CNTNAP5: variants seen among roughly 807,000 people sequenced by gnomAD.
CNTNAP5 encodes the protein contactin associated protein family member 5.
CNTNAP5 carries 72 observed loss-of-function variants against 150.2 expected under a neutral mutation model. The observed-to-expected ratio is 0.48, with a 90% CI of 0.40 to 0.58. The LOEUF is 0.58. Among genes scored for constraint, CNTNAP5 ranks in the 20% least tolerant of loss-of-function variants. The pLI is 0.00. For missense variants in CNTNAP5, 1,636 were observed against 1,626.2 expected (o/e 1.01, Z -0.10); for synonymous variants, 672 against 619.8 (o/e 1.08, Z -1.25).
chr2:124,905,721 G>A (rs1217631591), intron 22 of CNTNAP5, among the ~76,000 whole-genome samples: 1 of 152,292 alleles, frequency 6.6e-6, no homozygotes, highest in African/African-American at 2.4e-5. Context: ...GGGAGAAAGA[G>A]AAAGGGGAAA....
chr2:124,322,160 AT>A (rs1263197383), intron 3 of CNTNAP5, among the ~76,000 whole-genome samples: 1 of 131,918 alleles, frequency 7.6e-6, no homozygotes, highest in Non-Finnish European at 1.6e-5. Context: ...CAAAATAATA[AT>A]AATAAAATAA....
chr2:124,460,997 A>G (rs149925025), intron 6 of CNTNAP5, among the ~76,000 whole-genome samples: 2 of 152,288 alleles, frequency 1.3e-5, no homozygotes, highest in African/African-American at 4.8e-5. Context: ...ACACCAGTTA[A>G]AATGGCAATC....
chr2:124,246,130 T>C (rs796188950), intron 3 of CNTNAP5, among the ~76,000 whole-genome samples: 17 of 152,238 alleles, frequency 1.1e-4, no homozygotes, highest in African/African-American at 4.1e-4. Context: ...CTCTTTAAAA[T>C]TGATTTACCA....
At chr2:124,852,793 A>G (rs1358415412) in intron 19 of CNTNAP5, among the ~76,000 whole-genome samples, 5 of 152,200 alleles carry the variant, frequency 3.3e-5, no homozygotes, top group Non-Finnish European at 7.3e-5. Context: ...AAGATGCACA[A>G]TGTATTTAGT....
intron 11 of CNTNAP5, among the ~76,000 whole-genome samples, chr2:124,589,146 C>T (rs766449246): frequency 3.2e-4 from 49 of 152,090 alleles, no homozygotes; most frequent in Non-Finnish European, 5.3e-4. Context: ...TAGAACATTT[C>T]GATGCCCCAA....
chr2:124,215,828 GA>G (rs1438639104), intron 1 of CNTNAP5, among the ~76,000 whole-genome samples: 2 of 151,256 alleles, frequency 1.3e-5, no homozygotes, highest in East Asian at 3.9e-4. Context: ...TCACTTCGCA[GA>G]AAAAAGATCA....
chr2:124,832,229 T>A (rs1310116171), intron 19 of CNTNAP5, among the ~76,000 whole-genome samples: 1 of 152,130 alleles, frequency 6.6e-6, no homozygotes, highest in Non-Finnish European at 1.5e-5. Context: ...TAAACAAGCT[T>A]ATTTATTAAG....
intron 21 of CNTNAP5, among the ~76,000 whole-genome samples, chr2:124,876,305 G>A (rs1476188815): frequency 6.6e-6 from 1 of 152,010 alleles, no homozygotes; most frequent in Non-Finnish European, 1.5e-5. Flanking sequence ...TGTGAAGAGA[G>A]TGGAGATAGT....
intron 3 of CNTNAP5, among the ~76,000 whole-genome samples, chr2:124,310,129 A>G (rs1688788853): frequency 1.3e-5 from 2 of 151,680 alleles, no homozygotes; most frequent in Admixed American, 1.3e-4. Flanking sequence ...ATGCATAAGA[A>G]TCTCCCAGGG....
Position 124,337,579 on chromosome 2 carries a change from G to T in CNTNAP5, c.382-79864G>T, listed in dbSNP as rs557453618. On this transcript the variant is annotated intron_variant, in intron 3 of 23. Coordinates refer to ENST00000682447, the MANE Select transcript of CNTNAP5 (RefSeq NM_001367498.1). Reference sequence around the variant, plus strand: ...GGTGTAAGGAAGGGATCCAGTTTCAGCTTTGTACATGTGGCTAGCCAGTTT... The same window carrying T: ...GGTGTAAGGAAGGGATCCAGTTTCATCTTTGTACATGTGGCTAGCCAGTTT... Among the ~76,000 whole-genome samples, 219 of 152,122 alleles carry T rather than the reference G, an allele frequency of 1.4e-3. 1 individual carries two copies. The highest frequency in any genetic ancestry group is 3.2e-3 in the Middle Eastern group (1 of 316).
At chr2:124,740,770 A>C (rs6736347) in intron 13 of CNTNAP5, among the ~76,000 whole-genome samples, 40 of 152,168 alleles carry the variant, frequency 2.6e-4, no homozygotes, top group Non-Finnish European at 4.7e-4. Flanking sequence ...ACACTCACTC[A>C]TCTGTGCATC....
chr2:124,231,244 A>T (rs1489565475), intron 2 of CNTNAP5, among the ~76,000 whole-genome samples: 1 of 152,182 alleles, frequency 6.6e-6, no homozygotes, highest in Non-Finnish European at 1.5e-5. Flanking sequence ...GGTAGGAGAG[A>T]GTAGAAAGAA....
chr2:124,570,599 G>A (rs1696129618), intron 11 of CNTNAP5, among the ~76,000 whole-genome samples: 1 of 152,064 alleles, frequency 6.6e-6, no homozygotes, highest in Non-Finnish European at 1.5e-5. Flanking sequence ...TGTTTGCTTT[G>A]TTCATCAGTT....
intron 11 of CNTNAP5, among the ~76,000 whole-genome samples, chr2:124,579,053 G>T (rs1696355523): frequency 6.6e-6 from 1 of 151,994 alleles, no homozygotes; most frequent in Non-Finnish European, 1.5e-5. Context: ...GGAGATGAAG[G>T]GCCAGTGTGG....
intron 5 of CNTNAP5, among the ~76,000 whole-genome samples, chr2:124,441,293 T>C (rs1692666918): frequency 6.6e-6 from 1 of 152,224 alleles, no homozygotes; most frequent in South Asian, 2.1e-4. Context: ...TCAACAAATA[T>C]ACTATGCAGC....
At chr2:124,806,765 G>T (rs1002721995) in intron 19 of CNTNAP5, among the ~76,000 whole-genome samples, 1 of 152,174 alleles carries the variant, frequency 6.6e-6, no homozygotes, top group Non-Finnish European at 1.5e-5. Flanking sequence ...TGTTGGTCAA[G>T]GGTCTCACAG....
At chr2:124,871,190 AG>A (rs1179877450) in intron 21 of CNTNAP5, among the ~76,000 whole-genome samples, 1 of 151,984 alleles carries the variant, frequency 6.6e-6, no homozygotes, top group Non-Finnish European at 1.5e-5. Flanking sequence ...ATCTTCTGCC[AG>A]GCTTTATTTC....
intron 3 of CNTNAP5, among the ~76,000 whole-genome samples, chr2:124,262,956 A>G (rs1230392147): frequency 6.6e-5 from 10 of 152,070 alleles, no homozygotes; most frequent in Admixed American, 5.9e-4. Flanking sequence ...AGCTTCATCC[A>G]TGTCCCTACA....
chr2:124,057,551 A>G (rs1403688533), intron 1 of CNTNAP5, among the ~76,000 whole-genome samples: 4 of 148,350 alleles, frequency 2.7e-5, no homozygotes, highest in African/African-American at 1.0e-4. Flanking sequence ...TGGACTCCCA[A>G]AGTGCTGGGA....
Sources: gnomAD v4.1 joint callset for allele counts (sites outside exome capture counted in the v4.1 genomes callset) on GRCh38, gnomAD v4.1.1 for gene constraint, MANE v1.5 for transcripts, NCBI Gene and HGNC (gene_info 2026-07-23, HGNC 2026-07-21) for gene names.